DHX15: variants seen among roughly 807,000 people sequenced by gnomAD.
The protein encoded by DHX15 is ATP-dependent RNA helicase DHX15.
In DHX15, 11 loss-of-function variants were observed where a neutral mutation model predicts 94.4. The observed-to-expected ratio is 0.12, with a 90% CI of 0.07 to 0.19. DHX15 has a LOEUF of 0.19. DHX15 is among the 10% of genes least tolerant of loss of function. The pLI is 1.00. For synonymous variants in DHX15, 338 were observed against 329.9 expected (o/e 1.02, Z -0.27); for missense variants, 304 against 988.5 (o/e 0.31, Z 9.29).
At chr4:24,574,724 G>A (rs1031559800) in intron 2 of DHX15, among the ~76,000 whole-genome samples, 5 of 152,196 alleles carry the variant, frequency 3.3e-5, no homozygotes, top group Non-Finnish European at 7.3e-5. Flanking sequence ...AAGTGGTGAT[G>A]AATATCTTCC....
intron 3 of DHX15, among the ~76,000 whole-genome samples, chr4:24,563,847 C>T (rs560241514): frequency 2.0e-5 from 3 of 151,826 alleles, no homozygotes; most frequent in Non-Finnish European, 4.4e-5. Context: ...GGGTGGATCA[C>T]GAGGTCAGGA....
intron 1 of DHX15, chr4:24,580,634 G>C (rs990260214): frequency 6.6e-6 from 1 of 151,820 alleles, no homozygotes; most frequent in Non-Finnish European, 1.5e-5. Context: ...TCAGCCTCCG[G>C]AGTAAGTAGC....
At chr4:24,582,207 T>C (rs1251849428) in intron 1 of DHX15, among the ~76,000 whole-genome samples, 1 of 152,218 alleles carries the variant, frequency 6.6e-6, no homozygotes, top group Non-Finnish European at 1.5e-5. Context: ...GGCACTCAAA[T>C]GACATAGAAA....
At chr4:24,560,392 T>C (rs1721845652) in intron 3 of DHX15, among the ~76,000 whole-genome samples, 2 of 151,702 alleles carry the variant, frequency 1.3e-5, no homozygotes, top group Admixed American at 6.6e-5. Flanking sequence ...AAAAACAAAA[T>C]AGTAAAATAC....
In DHX15 at chr4:24,576,225, T is replaced by C. The variant is rs377456835; in HGVS notation, c.507+18A>G. The C allele has an allele frequency of 6.4e-5, 101 of 1,587,668 alleles. No homozygotes were observed. In the African/African-American group the frequency reaches 1.0e-3, roughly 16 times the overall value. ...TTAAACATAAATGAAATATGTACCA[T>C]GGTATACAATAACTCACCTGTGTTG... On this transcript the variant is annotated intron_variant, in intron 2 of 13. Coordinates refer to ENST00000336812, the MANE Select transcript of DHX15 (RefSeq NM_001358.3).
At chr4:24,584,113 T>A (rs923920746) in intron 1 of DHX15, 5 of 578,642 alleles carry the variant, frequency 8.6e-6, no homozygotes, top group Non-Finnish European at 1.5e-5. Flanking sequence ...CGGACTGGGC[T>A]GGGCAGCGGC....
intron 6 of DHX15, among the ~76,000 whole-genome samples, chr4:24,544,310 C>T (rs1009891059): frequency 3.3e-5 from 5 of 152,130 alleles, no homozygotes; most frequent in Non-Finnish European, 7.4e-5. Context: ...TTCATATTTA[C>T]TAAGTAGTAG....
chr4:24,535,209 G>A (rs943454299), intron 11 of DHX15, among the ~76,000 whole-genome samples: 2 of 152,114 alleles, frequency 1.3e-5, no homozygotes, highest in African/African-American at 4.8e-5. Context: ...GCCACTTGTA[G>A]CCTAAGAACC....
chr4:24,558,665 T>G (rs1721795108), intron 3 of DHX15, among the ~76,000 whole-genome samples: 1 of 152,094 alleles, frequency 6.6e-6, no homozygotes. Context: ...TTCCATGAGG[T>G]GCTGCACTTA....
chr4:24,540,318 C>CT lies in DHX15; in HGVS notation c.1595-20dup. The CT allele has an allele frequency of 4.4e-6, 7 of 1,594,272 alleles. No individual in the cohort carries two copies. Among genetic ancestry groups the CT allele is most frequent in the Non-Finnish European group, 6.0e-6 (7 of 1,170,902 alleles). On this transcript the variant is annotated intron_variant, in intron 9 of 13. Coordinates refer to ENST00000336812, the MANE Select transcript of DHX15 (RefSeq NM_001358.3). ...TCAGGAGCTAGTGGTAAAAGACAATCTATTAGACACGGTGCCTTAAGCAAG... is the reference window on the plus strand; with the variant it reads ...TCAGGAGCTAGTGGTAAAAGACAATCTTATTAGACACGGTGCCTTAAGCAAG...
At chr4:24,529,791 A>G (rs765720296) in intron 12 of DHX15, 21 bp from the exon 13 acceptor site, 3 of 1,612,940 alleles carry the variant, frequency 1.9e-6, no homozygotes, top group South Asian at 2.2e-5. Flanking sequence ...AACCCAGTAT[A>G]TTATTAATAC....
rs533352356 is a variant in DHX15 at position 24,572,559 on chromosome 4, G to A, written c.508-1712C>T. ...CTGTGCACTCACTCTGAAAATGACC[G>A]AGGATGCCAAGCTACTAATAAATTT... On this transcript the variant is annotated intron_variant, in intron 2 of 13. Coordinates refer to ENST00000336812, the MANE Select transcript of DHX15 (RefSeq NM_001358.3). Among the ~76,000 whole-genome samples, 7 of 152,252 alleles carry A rather than the reference G, an allele frequency of 4.6e-5. No homozygotes were observed. In the East Asian group the frequency reaches 9.6e-4, roughly 21 times the overall value.
In DHX15 at chr4:24,540,177, T is replaced by C; in HGVS notation, c.1717A>G (p.Lys573Glu). ...TAGTCACAACTTGCAATAACCATTT[T>C]TGCGAGCTGTGGATCTAGAGGAAAC... ...AEFPLDPQLAKMVIASCDYNC... is the reference protein window; with the variant it reads ...AEFPLDPQLAEMVIASCDYNC... Residue 573 changes from lysine (K) to glutamate (E), a missense_variant, in exon 10 of 14, where the codon AAA becomes GAA. Transcript: ENST00000336812. 6.2e-7 allele frequency: 1 copy of C among 1,613,434 alleles called. No individual in the cohort carries two copies. The highest frequency in any genetic ancestry group is 8.5e-7 in the Non-Finnish European group (1 of 1,179,516).
chr4:24,565,546 C>T (rs1177126811), intron 3 of DHX15, among the ~76,000 whole-genome samples: 3 of 152,222 alleles, frequency 2.0e-5, no homozygotes, highest in African/African-American at 7.2e-5. Flanking sequence ...AGTGCCACAT[C>T]TGTTTCACCT....
chr4:24,539,530 G>C (rs1200409086), intron 10 of DHX15, among the ~76,000 whole-genome samples: 1 of 151,922 alleles, frequency 6.6e-6, no homozygotes, highest in Non-Finnish European at 1.5e-5. Context: ...TTATATATTA[G>C]GTATGTTTCT....
At position 24,573,722 on chromosome 4, in the gene DHX15, C is replaced by T. The variant is rs190188132; in HGVS notation, c.507+2521G>A. 1.6e-4 allele frequency among the ~76,000 whole-genome samples: 25 copies of T among 152,244 alleles called. 1 individual carries two copies. Among genetic ancestry groups the T allele is most frequent in the Admixed American group, 1.6e-3 (25 of 15,284 alleles). On this transcript the variant is annotated intron_variant, in intron 2 of 13. Coordinates refer to ENST00000336812, the MANE Select transcript of DHX15 (RefSeq NM_001358.3). ...ACTTACAGTTCCAGTCTCACCTGCC[C>T]CACCTCCACCTTCCCAAACCCTCTG... is the stretch of plus-strand genomic sequence containing the variant.
rs761975092 is a variant in DHX15 at position 24,527,921 on chromosome 4, A to C, written c.*3T>G. The C allele has an allele frequency of 6.2e-7, 1 of 1,600,624 alleles. No individual in the cohort carries two copies. Among genetic ancestry groups the C allele is most frequent in the East Asian group, 2.2e-5 (1 of 44,794 alleles). ...TCAATAACTTCAGTTCTAAGCACTGAATTCAGTACTGTGAATATTCCTTGG... is the reference window on the plus strand; with the variant it reads ...TCAATAACTTCAGTTCTAAGCACTGCATTCAGTACTGTGAATATTCCTTGG... On this transcript the variant is annotated 3_prime_UTR_variant, in exon 14 of 14. Coordinates refer to ENST00000336812, the MANE Select transcript of DHX15 (RefSeq NM_001358.3).
intron 5 of DHX15, among the ~76,000 whole-genome samples, chr4:24,550,111 A>AAAAAAAAAAAAAAAAAAAG (rs1721558713): frequency 6.8e-6 from 1 of 147,014 alleles, no homozygotes; most frequent in African/African-American, 2.5e-5. Flanking sequence ...AAAAAAAAAA[A>AAAAAAAAAAAAAAAAAAAG]AAAAAAAAAA....
At chr4:24,569,331 G>A (rs1236821885) in intron 3 of DHX15, among the ~76,000 whole-genome samples, 6 of 152,088 alleles carry the variant, frequency 3.9e-5, no homozygotes, top group Non-Finnish European at 8.8e-5. Context: ...AGTGGCTCAC[G>A]CCTGTAATCC....
Sources: gnomAD v4.1 joint callset for allele counts (sites outside exome capture counted in the v4.1 genomes callset) on GRCh38, gnomAD v4.1.1 for gene constraint, MANE v1.5 for transcripts, NCBI Gene and HGNC (gene_info 2026-07-23, HGNC 2026-07-21) for gene names.